The following ATP10A variants were observed in gnomAD, a reference collection of about 807,000 sequenced individuals.
The protein encoded by ATP10A is phospholipid-transporting ATPase VA.
ATP10A carries 111 observed loss-of-function variants against 147.8 expected under a neutral mutation model. That is an observed-to-expected ratio of 0.75 (90% CI 0.64 to 0.88). ATP10A has a LOEUF of 0.88. Among genes scored for constraint, ATP10A ranks in the 40% least tolerant of loss-of-function variants. ATP10A has a pLI of 0.00. For missense variants in ATP10A, 1,927 were observed against 1,959.0 expected, an observed-to-expected ratio of 0.98 and a Z score of 0.31; for synonymous variants, 875 against 841.6, an observed-to-expected ratio of 1.04 and a Z score of -0.69.
At chr15:25,831,247 T>A (rs1467002621) in intron 1 of ATP10A, among the ~76,000 whole-genome samples, 1 of 152,312 alleles carries the variant, frequency 6.6e-6, no homozygotes, top group African/African-American at 2.4e-5. Context: ...CCACCCCGTA[T>A]GAGATTCTCT....
intron 1 of ATP10A, among the ~76,000 whole-genome samples, chr15:25,790,588 TACTCACTACAATGCAACACTGAAC>T (rs1890367546): frequency 6.6e-6 from 1 of 152,212 alleles, no homozygotes; most frequent in Non-Finnish European, 1.5e-5. Flanking sequence ...ATCACATAAT[TACTCACTACAATGCAACACTGAAC>T]ACCCAGATTA....
intron 13 of ATP10A, among the ~76,000 whole-genome samples, chr15:25,698,163 C>T (rs1287431774): frequency 6.6e-6 from 1 of 152,174 alleles, no homozygotes; most frequent in East Asian, 1.9e-4. Flanking sequence ...GATGTATCAA[C>T]ATTGGCTCCT....
chr15:25,845,956 T>C (rs1006424221), intron 1 of ATP10A, among the ~76,000 whole-genome samples: 3 of 152,216 alleles, frequency 2.0e-5, no homozygotes, highest in Admixed American at 6.5e-5. Flanking sequence ...GGTGGGTTCA[T>C]GCAATGGAAT....
chr15:25,705,948 C>T (rs1403567968), intron 12 of ATP10A, among the ~76,000 whole-genome samples: 1 of 152,144 alleles, frequency 6.6e-6, no homozygotes, highest in African/African-American at 2.4e-5. Flanking sequence ...GCCATCCTCA[C>T]GTGCACCTGG....
At chr15:25,811,841 C>T (rs749569495) in intron 1 of ATP10A, among the ~76,000 whole-genome samples, 14 of 152,206 alleles carry the variant, frequency 9.2e-5, no homozygotes, top group South Asian at 4.1e-4. Context: ...ACGCACCTGT[C>T]CAAGCTGGCT....
intron 1 of ATP10A, among the ~76,000 whole-genome samples, chr15:25,788,261 A>C (rs1270476586): frequency 6.6e-6 from 1 of 152,228 alleles, no homozygotes. Context: ...ACTTTCATTT[A>C]GGGTCACAAA....
intron 9 of ATP10A, among the ~76,000 whole-genome samples, chr15:25,716,036 C>T (rs1901779607): frequency 6.6e-6 from 1 of 152,254 alleles, no homozygotes; most frequent in South Asian, 2.1e-4. Context: ...ACCTTAATGT[C>T]AGACTGAACC....
chr15:25,755,385 T>C (rs1215200267), intron 2 of ATP10A, among the ~76,000 whole-genome samples: 1 of 152,178 alleles, frequency 6.6e-6, no homozygotes, highest in Non-Finnish European at 1.5e-5. Flanking sequence ...GATAGGAACC[T>C]GACTAGTCTC....
intron 10 of ATP10A, chr15:25,710,517 A>T (rs1202185640): frequency 6.6e-6 from 1 of 152,188 alleles, no homozygotes; most frequent in Non-Finnish European, 1.5e-5. Context: ...TTGCAGACCC[A>T]CAGAGAGGCC....
intron 3 of ATP10A, among the ~76,000 whole-genome samples, chr15:25,733,113 G>C (rs755984635): frequency 2.7e-4 from 41 of 152,266 alleles, no homozygotes; most frequent in Middle Eastern, 3.4e-3. Context: ...GTTTGGAATG[G>C]CAGGTCCTAA....
chr15:25,688,254 A>G (rs954103681), intron 15 of ATP10A, among the ~76,000 whole-genome samples: 1 of 152,164 alleles, frequency 6.6e-6, no homozygotes, highest in Non-Finnish European at 1.5e-5. Flanking sequence ...TGCCGTATGT[A>G]TCAGAGACAG....
At chr15:25,799,132 C>T (rs1206271489) in intron 1 of ATP10A, among the ~76,000 whole-genome samples, 1 of 152,146 alleles carries the variant, frequency 6.6e-6, no homozygotes, top group Non-Finnish European at 1.5e-5. Context: ...GGGGGCCATC[C>T]GAATGGTTAC....
At chr15:25,781,323 TTGCATAGGC>T (rs1889912447) in intron 1 of ATP10A, 100 bp from the exon 2 acceptor site, 2 of 1,000,116 alleles carry the variant, frequency 2.0e-6, no homozygotes, top group South Asian at 3.2e-5. Context: ...CTTTCTACAT[TTGCATAGGC>T]TGAAAATTTT....
chr15:25,800,106 G>A (rs1167007960), intron 1 of ATP10A, among the ~76,000 whole-genome samples: 2 of 152,170 alleles, frequency 1.3e-5, no homozygotes, highest in East Asian at 1.9e-4. Flanking sequence ...AGTGCAAAAC[G>A]CAAGGGTGCA....
At chr15:25,708,394 C>G in intron 10 of ATP10A, 94 bp from the exon 11 acceptor site, 1 of 1,093,830 alleles carries the variant, frequency 9.1e-7, no homozygotes, top group Non-Finnish European at 1.4e-6. Context: ...CTGTTCGTTA[C>G]TTGCGAATAG....
At chr15:25,790,471 CA>C (rs1305607946) in intron 1 of ATP10A, among the ~76,000 whole-genome samples, 3 of 152,128 alleles carry the variant, frequency 2.0e-5, no homozygotes, top group Admixed American at 2.0e-4. Flanking sequence ...AATGTTGTCC[CA>C]GCGGAACTCA....
upstream of ATP10A, among the ~76,000 whole-genome samples, chr15:25,864,754 C>A (rs1349851679): frequency 6.6e-6 from 1 of 152,176 alleles, no homozygotes. Flanking sequence ...GAAACCCAAA[C>A]GGAGCATCAA....
At chr15:25,708,624 G>A (rs923247396) in intron 10 of ATP10A, 26 of 220,334 alleles carry the variant, frequency 1.2e-4, no homozygotes, top group Non-Finnish European at 1.8e-4. Context: ...CCCTGCTGAT[G>A]TTTGGCTGTT....
chr15:25,819,238 G>A (rs535132930), intron 1 of ATP10A, among the ~76,000 whole-genome samples: 1 of 152,046 alleles, frequency 6.6e-6, no homozygotes, highest in Admixed American at 6.5e-5. Context: ...CAAAAACCAA[G>A]TAACTCCATT....
Sources: allele counts gnomAD v4.1 joint callset (sites outside exome capture counted in the v4.1 genomes callset), GRCh38; gene constraint gnomAD v4.1.1; transcripts MANE v1.5; gene names NCBI Gene and HGNC (gene_info 2026-07-23, HGNC 2026-07-21).